The following SAFB2 variants were observed in gnomAD, a reference collection of about 807,000 sequenced individuals.
The protein encoded by SAFB2 is scaffold attachment factor B2.
Under a neutral mutation model 100.6 loss-of-function variants are expected in SAFB2, and 32 were observed. The observed-to-expected ratio is 0.32, with a 90% CI of 0.24 to 0.43. The LOEUF (loss-of-function observed/expected upper bound fraction) is 0.43. SAFB2 is among the 20% of genes least tolerant of loss of function. The pLI is 1.00. For missense variants in SAFB2, 1,185 were observed against 1,163.4 expected, an observed-to-expected ratio of 1.02 and a Z score of -0.27; for synonymous variants, 500 against 439.4, an observed-to-expected ratio of 1.14 and a Z score of -1.72.
At chr19:5,599,599 T>A (rs2052611765) in intron 12 of SAFB2, among the ~76,000 whole-genome samples, 2 of 152,200 alleles carry the variant, frequency 1.3e-5, no homozygotes, top group East Asian at 3.9e-4. Context: ...TTGGCTTATT[T>A]TTTTTTGCCA....
At position 5,587,755 on chromosome 19, in the gene SAFB2, C is replaced by A. The variant is rs773056158; in HGVS notation, c.2651G>T (p.Gly884Val). The A allele has an allele frequency of 6.4e-7, 1 of 1,552,444 alleles. No homozygotes were observed. The highest frequency in any genetic ancestry group is 2.4e-5 in the East Asian group (1 of 41,020). The part of the protein sequence containing the change: ...EHARWQGGER[G>V]LSGPSGPGHM... Reference sequence around the variant, plus strand: ...CCCCGGCCCCGAGGGCCCAGACAGGCCCCTCTCGCCACCTAGAAGAGAAGA... The same window carrying A: ...CCCCGGCCCCGAGGGCCCAGACAGGACCCTCTCGCCACCTAGAAGAGAAGA... The change falls in exon 20 of 21, where the codon GGC (glycine) becomes GTC (valine). Residue 884 changes from glycine (G) to valine (V), a missense_variant. Gly to Val is a moderately radical substitution (Grantham distance 109, BLOSUM62 -3). Around this residue, in one of 3 missense-constraint regions of SAFB2, gnomAD observed 740 missense variants for 687.1 expected, o/e 1.08. Coordinates refer to ENST00000252542, the MANE Select transcript of SAFB2 (RefSeq NM_014649.3). This position sits in a 1 kb window ranked among gnomAD's most constrained non-coding sequence, Gnocchi z 4.9.
chr19:5,610,618 C>A (rs1384252210), intron 8 of SAFB2, 21 bp downstream of exon 8: 1 of 1,542,576 alleles, frequency 6.5e-7, no homozygotes, highest in African/African-American at 1.4e-5. Flanking sequence ...TGGCTCCCTA[C>A]CACGTTAAAT....
At position 5,592,831 on chromosome 19, in the gene SAFB2, C is replaced by A; in HGVS notation, c.2264G>T (p.Arg755Leu). Residue 755 changes from arginine (R) to leucine (L), a missense_variant, in exon 16 of 21, where the codon CGT becomes CTT. By Grantham distance (102) the Arg-to-Leu change is moderately radical (BLOSUM62 -2). This residue lies in a region of SAFB2 where 740 missense variants were observed against 687.1 expected (regional missense o/e 1.08). Coordinates refer to ENST00000252542, the MANE Select transcript of SAFB2 (RefSeq NM_014649.3). ...GTGGTCTGGCCGGGGAAAGTCTGCA[C>A]GATATCGGTCCTCCATTGCCACACG... ...GKRVAMEDRY[R>L]ADFPRPDHRF... 6.2e-7 allele frequency: 1 copy of A among 1,614,166 alleles called. No homozygotes were observed. The highest frequency in any genetic ancestry group is 8.5e-7 in the Non-Finnish European group (1 of 1,180,022).
At chr19:5,590,492 C>T (rs2052372168) in intron 17 of SAFB2, 84 bp from the exon 18 acceptor site, 15 of 1,437,454 alleles carry the variant, frequency 1.0e-5, no homozygotes, top group Non-Finnish European at 1.2e-5. Flanking sequence ...CACTGCAGGC[C>T]CCAGGGTGGC....
At chr19:5,610,465 A>G in intron 8 of SAFB2, 174 bp downstream of exon 8, 1 of 632,354 alleles carries the variant, frequency 1.6e-6, no homozygotes, top group South Asian at 1.9e-5. Context: ...GAAACATAAA[A>G]TGCAGGTGCT....
chr19:5,587,569 TA>T lies in SAFB2; in HGVS notation c.2705+131del. On this transcript the variant is annotated intron_variant, in intron 20 of 20. Coordinates refer to ENST00000252542, the MANE Select transcript of SAFB2 (RefSeq NM_014649.3). The surrounding 1 kb of genome is among the most constrained non-coding windows in gnomAD (Gnocchi z 4.9). Reference sequence around the variant, plus strand: ...AGGTAACTCAAGAGCGTTATTTGCATAAATTGCAAAGAGCTGCTTTTTGCTT... The same window carrying T: ...AGGTAACTCAAGAGCGTTATTTGCATAATTGCAAAGAGCTGCTTTTTGCTT... 8.3e-6 allele frequency: 12 copies of T among 1,449,540 alleles called. No homozygotes were observed. Among genetic ancestry groups the T allele is most frequent in the Non-Finnish European group, 1.1e-5 (12 of 1,091,368 alleles). 89.8% of individuals were successfully genotyped at this position (1,449,540 alleles called of 1,614,324 possible).
chr19:5,593,325 A>C (rs971093915), intron 15 of SAFB2, among the ~76,000 whole-genome samples: 1 of 152,256 alleles, frequency 6.6e-6, no homozygotes, highest in Admixed American at 6.5e-5. Flanking sequence ...TGAACTACAC[A>C]CAGCTCTGGA....
intron 13 of SAFB2, chr19:5,598,547 G>A: frequency 1.9e-6 from 1 of 529,696 alleles, no homozygotes; most frequent in South Asian, 2.1e-5. Flanking sequence ...GTGAACCAAT[G>A]CTCTGTCTGA....
chr19:5,600,505 C>G (rs572339316), intron 11 of SAFB2, among the ~76,000 whole-genome samples: 1 of 152,186 alleles, frequency 6.6e-6, no homozygotes, highest in Non-Finnish European at 1.5e-5. Flanking sequence ...CCTGGGGATG[C>G]GTTTCCAAAA....
chr19:5,614,900 G>C (rs2052989330), intron 4 of SAFB2, among the ~76,000 whole-genome samples: 1 of 152,166 alleles, frequency 6.6e-6, no homozygotes, highest in African/African-American at 2.4e-5. Flanking sequence ...TAATGTAACT[G>C]CTTAACCTTG....
chr19:5,620,934 G>C (rs2053127124), intron 2 of SAFB2, among the ~76,000 whole-genome samples: 1 of 152,170 alleles, frequency 6.6e-6, no homozygotes, highest in African/African-American at 2.4e-5. Context: ...TCGGTCTCAG[G>C]TTGGTGTCCT....
At chr19:5,619,284 GA>G (rs1450569502) in intron 2 of SAFB2, among the ~76,000 whole-genome samples, 4 of 152,212 alleles carry the variant, frequency 2.6e-5, no homozygotes, top group Non-Finnish European at 4.4e-5. Flanking sequence ...ACCACCTGAA[GA>G]CCTGGGCTCT....
At chr19:5,610,338 T>A (rs2052882455) in intron 8 of SAFB2, 1 of 589,110 alleles carries the variant, frequency 1.7e-6, no homozygotes, top group African/African-American at 1.9e-5. Context: ...TGTCTTTTGA[T>A]GATCAGATCT....
chr19:5,599,654 A>G (rs1417532201), intron 12 of SAFB2, among the ~76,000 whole-genome samples: 2 of 152,328 alleles, frequency 1.3e-5, no homozygotes, highest in Non-Finnish European at 2.9e-5. Context: ...GTAAAGCACA[A>G]TGAACCTTTA....
chr19:5,590,336 C>A lies in SAFB2; in HGVS notation c.2467G>T (p.Gly823Trp). ...AGCCTCTTGTCGGAGCCGTAGCCCCCCCAGCCATCACGGGAGTCCCGGCCG... is the reference window on the plus strand; with the variant it reads ...AGCCTCTTGTCGGAGCCGTAGCCCCACCAGCCATCACGGGAGTCCCGGCCG... ...RHGRDSRDGW[G>W]GYGSDKRLSE... Residue 823 changes from glycine to tryptophan, a missense_variant, in exon 18 of 21, where the codon GGG (glycine) becomes TGG (tryptophan). This residue lies in a region of SAFB2 where 740 missense variants were observed against 687.1 expected (regional missense o/e 1.08). Coordinates refer to ENST00000252542, the MANE Select transcript of SAFB2 (RefSeq NM_014649.3). The A allele has an allele frequency of 3.1e-6, 5 of 1,610,454 alleles. No homozygotes were observed. Among genetic ancestry groups the A allele is most frequent in the African/African-American group, 1.3e-5 (1 of 75,028 alleles).
At chr19:5,620,285 T>C (rs1050773011) in intron 2 of SAFB2, among the ~76,000 whole-genome samples, 1 of 152,180 alleles carries the variant, frequency 6.6e-6, no homozygotes, top group African/African-American at 2.4e-5. Flanking sequence ...AAAAATGAAA[T>C]TGTTAAAAAT....
chr19:5,588,971 C>G (rs575387614), intron 18 of SAFB2: 1 of 152,350 alleles, frequency 6.6e-6, no homozygotes, highest in African/African-American at 2.4e-5. Flanking sequence ...TCACAGTGGC[C>G]GTGCAGGAAA....
intron 9 of SAFB2, among the ~76,000 whole-genome samples, chr19:5,609,042 A>G (rs2052841995): frequency 8.0e-6 from 1 of 125,380 alleles, no homozygotes; most frequent in Admixed American, 8.3e-5. Flanking sequence ...ACAGAGCGAG[A>G]CGCAGTCTCA....
chr19:5,613,692 C>G (rs550104501), intron 4 of SAFB2, 165 bp from the exon 5 acceptor site: 2 of 985,442 alleles, frequency 2.0e-6, no homozygotes, highest in South Asian at 4.7e-5. Flanking sequence ...TCCGCCAGAA[C>G]ACACACTCCA....
Sources: gnomAD v4.1 joint callset for allele counts (sites outside exome capture counted in the v4.1 genomes callset) on GRCh38, gnomAD v4.1.1 for gene constraint, gnomAD v4.1.1 regional missense constraint, Gnocchi (gnomAD v3.1) non-coding constraint, MANE v1.5 for transcripts, NCBI Gene and HGNC (gene_info 2026-07-23, HGNC 2026-07-21) for gene names.